Variants in ATM observed in about 807,000 individuals in gnomAD.
ATM encodes the protein ATM serine/threonine kinase, also known as serine-protein kinase ATM.
ATM carries 308 observed loss-of-function variants against 387.0 expected under a neutral mutation model. That is an observed-to-expected ratio of 0.80 (90% CI 0.73 to 0.87). The LOEUF (loss-of-function observed/expected upper bound fraction) is 0.87. ATM is among the 40% of genes least tolerant of loss of function. The pLI is 0.00. For missense variants in ATM, 3,312 were observed against 3,560.9 expected (o/e 0.93, Z 1.78); for synonymous variants, 1,156 against 1,187.3 (o/e 0.97, Z 0.54).
intron 43 of ATM, among the ~76,000 whole-genome samples, chr11:108,319,692 A>G (rs2060931018): frequency 6.6e-6 from 1 of 152,236 alleles, no homozygotes; most frequent in South Asian, 2.1e-4. Context: ...TGCCTGGCAC[A>G]TAATAGGTAT....
At chr11:108,302,546 G>A in intron 35 of ATM, among the ~76,000 whole-genome samples, 1 of 152,100 alleles carries the variant, frequency 6.6e-6, no homozygotes, top group East Asian at 1.9e-4. Context: ...TGTGGTAGAT[G>A]TGGTCTAGTT....
At position 108,281,124 on chromosome 11, in the gene ATM, A is replaced by G. The variant is rs1555091359; in HGVS notation, c.3532A>G (p.Lys1178Glu). The G allele has an allele frequency of 3.1e-6, 5 of 1,613,946 alleles. No individual in the cohort carries two copies. The highest frequency in any genetic ancestry group is 1.3e-5 in the African/African-American group (1 of 74,932). The change falls in exon 24 of 63, where the codon AAA becomes GAA. Residue 1178 changes from lysine (K) to glutamate (E), a missense_variant. By Grantham distance (56) the Lys-to-Glu change is moderately conservative. This residue lies in a region of ATM where 1,791 missense variants were observed against 1,804.5 expected (regional missense o/e 0.99). Coordinates refer to ENST00000675843, the MANE Select transcript of ATM (RefSeq NM_000051.4). ...AAAACAGGCTTTGTTTGCCCTGTGT[A>G]AATCTGTGAAAGAGAATGGATTAGA... ...CEKQALFALC[K>E]SVKENGLEPH... is the part of the protein sequence containing the mutation.
chr11:108,293,096 AT>A (rs888367316), intron 30 of ATM, among the ~76,000 whole-genome samples: 1 of 151,682 alleles, frequency 6.6e-6, no homozygotes, highest in African/African-American at 2.4e-5. Flanking sequence ...TAATATTGGC[AT>A]TTTTTTTAAC....
intron 38 of ATM, 61 bp from the exon 39 acceptor site, chr11:108,310,099 G>A (rs2136007630): frequency 6.5e-7 from 1 of 1,534,624 alleles, no homozygotes; most frequent in Non-Finnish European, 9.0e-7. Context: ...ATATCAACAT[G>A]CTTTTATTTT....
intron 58 of ATM, among the ~76,000 whole-genome samples, 153 bp downstream of exon 58, chr11:108,346,061 T>C (rs543061298): frequency 6.6e-6 from 1 of 152,318 alleles, no homozygotes; most frequent in South Asian, 2.1e-4. Context: ...TTAAATCATA[T>C]GTTTCTTGTT....
intron 26 of ATM, chr11:108,287,031 T>C (rs1388641813): frequency 6.6e-6 from 1 of 152,424 alleles, no homozygotes; most frequent in African/African-American, 2.4e-5. Context: ...TAATGAAAAG[T>C]CCAAATCTGT....
rs1338792872 is a variant in ATM at position 108,284,161 on chromosome 11, CTA to C, written c.3747-64_3747-63del. On this transcript the variant is annotated intron_variant, in intron 25 of 62. Transcript: ENST00000675843. ...ATGGTATTAAAACAGTTTTTAAGAA[CTA>C]TTTTATAAAATTTTACTTGGAAAAG... The C allele has an allele frequency of 9.3e-6, 12 of 1,289,868 alleles. No homozygotes were observed. The Admixed American group carries it at 2.7e-4, about 29-fold the overall frequency. The allele number at this position is 1,289,868 out of a possible 1,614,324, so 79.9% of individuals were successfully genotyped here. A position where few individuals can be genotyped will look rare whatever the true frequency, so the allele number is the denominator to read the frequency against.
In ATM at chr11:108,253,963, A is replaced by G. The variant is rs1421091487; in HGVS notation, c.2048A>G (p.His683Arg). 3.1e-6 allele frequency: 5 copies of G among 1,614,006 alleles called. No individual in the cohort carries two copies. The African/African-American group carries it at 5.3e-5, about 17-fold the overall frequency. The stretch of plus-strand genomic sequence containing the variant: ...CAGTCCAGTATTGGCTTCTCTGTCC[A>G]CCAGAATCTCAAGGAATCACTGGAT... Reference protein sequence around the residue: ...KHQSSIGFSVHQNLKESLDRC... With the variant: ...KHQSSIGFSVRQNLKESLDRC... Residue 683 changes from histidine to arginine, a missense_variant, in exon 13 of 63, where the codon CAC becomes CGC. Physicochemically the swap from His to Arg is conservative, Grantham distance 29. Around this residue, in one of 4 missense-constraint regions of ATM, gnomAD observed 1,791 missense variants for 1,804.5 expected, o/e 0.99. Transcript: ENST00000675843.
In ATM at chr11:108,279,506, G is replaced by A. The variant is rs587780621; in HGVS notation, c.3300G>A (p.Thr1100=). The stretch of plus-strand genomic sequence containing the variant: ...TTGTTTTAAGATTGTTCCAGGACAC[G>A]AAGGGAGATTCTTCCAGGTTACTGA... ...AESINRLFQD[T]KGDSSRLLKA... The change falls in exon 23 of 63, where the codon ACG becomes ACA. Residue 1100 remains threonine, a synonymous_variant. Coordinates refer to ENST00000675843, the MANE Select transcript of ATM (RefSeq NM_000051.4). 2.0e-4 allele frequency: 317 copies of A among 1,611,038 alleles called. No individual in the cohort carries two copies. The highest frequency in any genetic ancestry group is 2.5e-4 in the Non-Finnish European group (299 of 1,178,144).
In ATM at chr11:108,317,615, TTATATATATATATATATATA is replaced by T. The variant is rs376158749; in HGVS notation, c.6347+113_6347+132del. 3.1e-4 allele frequency: 66 copies of T among 215,338 alleles called. 10 individuals are homozygous for T. The highest frequency in any genetic ancestry group is 4.1e-4 in the East Asian group (3 of 7,294). 13.3% of individuals were successfully genotyped at this position (215,338 alleles called of 1,614,324 possible). A position where few individuals can be genotyped will look rare whatever the true frequency, so the allele number is the denominator to read the frequency against. ...TTCTATGAATATAACAGGAGTTGTT[TTATATATATATATATATATA>T]TATATATATATATATATACACACAC... On this transcript the variant is annotated intron_variant, in intron 43 of 62. Transcript: ENST00000675843.
At chr11:108,335,143 G>A (rs751684348) in intron 55 of ATM, 34 bp downstream of exon 55, 11 of 1,613,320 alleles carry the variant, frequency 6.8e-6, no homozygotes, top group African/African-American at 2.7e-5. Context: ...AGCCCTTAGA[G>A]TTTTAGTGAT....
Position 108,289,846 on chromosome 11 carries a change from T to C in ATM, c.4436+45T>C, listed in dbSNP as rs777950176. 1.9e-6 allele frequency: 3 copies of C among 1,552,784 alleles called. No homozygotes were observed. The Admixed American group carries it at 5.2e-5, about 27-fold the overall frequency. ...CAATATATAAGCAGTCTTTCTATCCTGTTCTTCCTGTTTTTTTGCTTTGTT... is the reference window on the plus strand; with the variant it reads ...CAATATATAAGCAGTCTTTCTATCCCGTTCTTCCTGTTTTTTTGCTTTGTT... On this transcript the variant is annotated intron_variant, in intron 29 of 62. Coordinates refer to ENST00000675843, the MANE Select transcript of ATM (RefSeq NM_000051.4).
In ATM at chr11:108,252,851, G is replaced by T. The variant is rs200124136; in HGVS notation, c.1837G>T (p.Val613Leu). The stretch of plus-strand genomic sequence containing the variant: ...TCATCTTGTACTGGAGAAAATTCTT[G>T]TGAGTCTCACTATGAAAAACTGTAA... ...FPHLVLEKIL[V>L]SLTMKNCKAA... Residue 613 changes from valine (V) to leucine (L), a missense_variant, in exon 12 of 63, where the codon GTG becomes TTG. Val to Leu is a conservative substitution (Grantham distance 32). Transcript: ENST00000675843. The T allele has an allele frequency of 4.2e-5, 68 of 1,612,816 alleles. No homozygotes were observed. Among genetic ancestry groups the T allele is most frequent in the Non-Finnish European group, 5.6e-5 (66 of 1,179,342 alleles).
chr11:108,278,573 C>T (rs952221165), intron 22 of ATM, among the ~76,000 whole-genome samples: 1 of 152,074 alleles, frequency 6.6e-6, no homozygotes, highest in South Asian at 2.1e-4. Flanking sequence ...GTTTATTTGG[C>T]ATATGGCGTC....
At position 108,227,603 on chromosome 11, in the gene ATM, G is replaced by A. The variant is rs765229257; in HGVS notation, c.-22G>A. On this transcript the variant is annotated 5_prime_UTR_variant, in exon 2 of 63. It adds an upstream start codon to the 5' untranslated region. Coordinates refer to ENST00000675843, the MANE Select transcript of ATM (RefSeq NM_000051.4). ...ATGTATTTTTTTTACAGACAGTGAT[G>A]TGTGTTCTGAAATTGTGAACCATGA... 1 of 1,606,974 alleles carries A rather than the reference G, an allele frequency of 6.2e-7. No homozygotes were observed. Among genetic ancestry groups the A allele is most frequent in the Non-Finnish European group, 8.5e-7 (1 of 1,173,972 alleles).
intron 61 of ATM, among the ~76,000 whole-genome samples, chr11:108,361,864 T>G (rs1289342409): frequency 6.6e-6 from 1 of 151,388 alleles, no homozygotes; most frequent in African/African-American, 2.4e-5. Context: ...AACCTAGGCA[T>G]TACCATTCAG....
At chr11:108,340,186 T>A (rs1281971244) in intron 56 of ATM, 1 of 152,144 alleles carries the variant, frequency 6.6e-6, no homozygotes, top group Non-Finnish European at 1.5e-5. Context: ...TATGGAAAAT[T>A]TCAAACATAC....
chr11:108,363,616 A>C (rs554404440), intron 61 of ATM, among the ~76,000 whole-genome samples: 1 of 152,140 alleles, frequency 6.6e-6, no homozygotes, highest in Non-Finnish European at 1.5e-5. Flanking sequence ...CAGAATGTAC[A>C]AGTTAGCCCC....
intron 34 of ATM, among the ~76,000 whole-genome samples, chr11:108,300,418 A>G (rs2083364266): frequency 6.6e-6 from 1 of 152,214 alleles, no homozygotes. Context: ...TTTTGCGTGC[A>G]TGCTCTTTCT....
Sources: allele counts gnomAD v4.1 joint callset (sites outside exome capture counted in the v4.1 genomes callset), GRCh38; gene constraint gnomAD v4.1.1; regional missense constraint gnomAD v4.1.1; transcripts MANE v1.5; gene names NCBI Gene and HGNC (gene_info 2026-07-23, HGNC 2026-07-21).